ASH1L: variants seen among roughly 807,000 people sequenced by gnomAD.
ASH1L encodes the protein histone-lysine N-methyltransferase ASH1L.
ASH1L carries 23 observed loss-of-function variants against 269.0 expected under a neutral mutation model. The observed-to-expected ratio is 0.09, with a 90% CI of 0.06 to 0.12. The LOEUF is 0.12. Among genes scored for constraint, ASH1L ranks in the 10% least tolerant of loss-of-function variants. The pLI, the probability that ASH1L is intolerant of heterozygous loss-of-function variation, is 1.00. For missense variants in ASH1L, 2,912 were observed against 3,567.8 expected (o/e 0.82, Z 4.68); for synonymous variants, 1,187 against 1,253.5 (o/e 0.95, Z 1.12).
chr1:155,389,502 G>A (rs761755491), intron 7 of ASH1L, among the ~76,000 whole-genome samples: 48 of 151,502 alleles, frequency 3.2e-4, no homozygotes, highest in Non-Finnish European at 6.0e-4. Flanking sequence ...GTGAAACCCC[G>A]TCTCTACTAA....
intron 3 of ASH1L, among the ~76,000 whole-genome samples, chr1:155,465,310 A>AAAAAAAAAAAAAAC: frequency 6.6e-6 from 1 of 151,308 alleles, no homozygotes; most frequent in African/African-American, 2.4e-5. Flanking sequence ...AAAAAAAAAA[A>AAAAAAAAAAAAAAC]AACAGTGAAT....
In ASH1L at chr1:155,373,474, T is replaced by C. The variant is rs567052197; in HGVS notation, c.6333-2491A>G. Among the ~76,000 whole-genome samples, 336 of 151,988 alleles carry C rather than the reference T, an allele frequency of 2.2e-3. 3 individuals carry two copies. The highest frequency in any genetic ancestry group is 2.3e-3 in the Non-Finnish European group (159 of 67,960). On this transcript the variant is annotated intron_variant, in intron 10 of 27. Transcript: ENST00000392403. ...GACTACTTAAAAAAAAAATTATTTG[T>C]AGAGGTGAGGTCTTGCTGCTATGTT...
At position 155,535,157 on chromosome 1, in the gene ASH1L, C is replaced by A. The variant is rs565710156; in HGVS notation, c.-99-13539G>T. Among the ~76,000 whole-genome samples the A allele has an allele frequency of 5.3e-5, 8 of 150,836 alleles. No homozygotes were observed. In the East Asian group the frequency reaches 1.6e-3, roughly 29 times the overall value. Reference sequence around the variant, plus strand: ...TGAGCCAAGATCGTGCCATTGCACTCCAGCCTGGGCAACAATAGTAAAACT... The same window carrying A: ...TGAGCCAAGATCGTGCCATTGCACTACAGCCTGGGCAACAATAGTAAAACT... On this transcript the variant is annotated intron_variant, in intron 1 of 27. Transcript: ENST00000392403.
chr1:155,524,401 A>G (rs1340472190), intron 1 of ASH1L, among the ~76,000 whole-genome samples: 2 of 151,710 alleles, frequency 1.3e-5, no homozygotes, highest in Non-Finnish European at 2.9e-5. Flanking sequence ...GGGTGCCTGT[A>G]GTCCTAGCTA....
chr1:155,538,095 G>C (rs1670178048), intron 1 of ASH1L, among the ~76,000 whole-genome samples: 1 of 151,710 alleles, frequency 6.6e-6, no homozygotes, highest in Non-Finnish European at 1.5e-5. Flanking sequence ...CACCATCTTG[G>C]CTCACTGCAA....
At chr1:155,381,766 T>C (rs908697989) in intron 7 of ASH1L, among the ~76,000 whole-genome samples, 4 of 150,086 alleles carry the variant, frequency 2.7e-5, no homozygotes, top group African/African-American at 7.4e-5. Context: ...TCCCAGCTAC[T>C]TGGGAGGCTG....
At position 155,378,596 on chromosome 1, in the gene ASH1L, C is replaced by A. The variant is rs757221591; in HGVS notation, c.6178-48G>T. On this transcript the variant is annotated intron_variant, in intron 8 of 27. Transcript: ENST00000392403. The stretch of plus-strand genomic sequence containing the variant: ...TTGATATAGCATTTAACTTCAAATG[C>A]CAGACGGCAGCATCAATCACTAAAA... The A allele has an allele frequency of 5.8e-5, 84 of 1,450,480 alleles. 1 individual carries two copies. In the South Asian group the frequency reaches 8.7e-4, roughly 15 times the overall value. 89.9% of individuals were successfully genotyped at this position (1,450,480 alleles called of 1,614,324 possible).
At position 155,480,104 on chromosome 1, in the gene ASH1L, T is replaced by C. The variant is rs770452884; in HGVS notation, c.2766A>G (p.Leu922=). The C allele has an allele frequency of 6.2e-7, 1 of 1,614,164 alleles. No individual in the cohort carries two copies. The highest frequency in any genetic ancestry group is 2.2e-5 in the East Asian group (1 of 44,888). The stretch of plus-strand genomic sequence containing the variant: ...TTCTATGGTTGTCACTTTCAGATTC[T>C]AGCTTGCTTGGACTTTCAGTGGCAA... ...PFVATESPSK[L]ESESDNHRSS... is the part of the protein sequence containing the mutation. Residue 922 remains leucine (L), a synonymous_variant, in exon 3 of 28, where the codon CTA becomes CTG. Coordinates refer to ENST00000392403, the MANE Select transcript of ASH1L (RefSeq NM_018489.3).
At chr1:155,338,668 T>C (rs1457566994) in intron 26 of ASH1L, among the ~76,000 whole-genome samples, 1 of 152,214 alleles carries the variant, frequency 6.6e-6, no homozygotes, top group Non-Finnish European at 1.5e-5. Context: ...TAAAATTGCT[T>C]AGCTGGTTCT....
intron 4 of ASH1L, among the ~76,000 whole-genome samples, chr1:155,450,140 T>C (rs1663358123): frequency 6.6e-6 from 1 of 152,250 alleles, no homozygotes; most frequent in Non-Finnish European, 1.5e-5. Context: ...TGTCTGCTGA[T>C]AGTTGTTACT....
At chr1:155,495,452 G>A (rs1667082151) in intron 2 of ASH1L, among the ~76,000 whole-genome samples, 1 of 152,030 alleles carries the variant, frequency 6.6e-6, no homozygotes, top group African/African-American at 2.4e-5. Flanking sequence ...TAGGATTTTT[G>A]TATATAAACA....
At chr1:155,364,485 C>T (rs1655234183) in intron 12 of ASH1L, among the ~76,000 whole-genome samples, 1 of 152,118 alleles carries the variant, frequency 6.6e-6, no homozygotes, top group Non-Finnish European at 1.5e-5. Flanking sequence ...CCAATACTGT[C>T]AGTCTTTAAT....
chr1:155,471,121 A>G (rs1665066087), intron 3 of ASH1L, among the ~76,000 whole-genome samples: 1 of 152,260 alleles, frequency 6.6e-6, no homozygotes, highest in Non-Finnish European at 1.5e-5. Flanking sequence ...TTAGAAAATC[A>G]AGTCACATCT....
chr1:155,412,241 C>CA (rs556050785), intron 6 of ASH1L, among the ~76,000 whole-genome samples: 7,424 of 115,550 alleles, frequency 0.064, 180 homozygotes, highest in Non-Finnish European at 0.084. Context: ...GACTCCGTCT[C>CA]AAAAAAAAAA....
chr1:155,347,212 A>C (rs558094260), intron 20 of ASH1L, among the ~76,000 whole-genome samples: 2 of 152,316 alleles, frequency 1.3e-5, no homozygotes, highest in East Asian at 3.9e-4. Context: ...CAGCCTGGGC[A>C]ACATGGTGAC....
intron 5 of ASH1L, chr1:155,433,650 G>T (rs1199790845): frequency 1.2e-6 from 2 of 1,605,282 alleles, no homozygotes; most frequent in Non-Finnish European, 1.7e-6. Flanking sequence ...AAGCAGAAGA[G>T]GATCACCCTG....
chr1:155,518,397 T>A (rs1668638714), intron 2 of ASH1L, among the ~76,000 whole-genome samples: 1 of 152,062 alleles, frequency 6.6e-6, no homozygotes, highest in African/African-American at 2.4e-5. Context: ...GGACCTGGTT[T>A]TCATCAAAAT....
chr1:155,378,776 T>G (rs1178145466), intron 8 of ASH1L, among the ~76,000 whole-genome samples: 1 of 152,220 alleles, frequency 6.6e-6, no homozygotes, highest in Admixed American at 6.5e-5. Flanking sequence ...CTAAATAGTT[T>G]ATACAAGTGG....
At chr1:155,390,632 T>TTC (rs1657836036) in intron 7 of ASH1L, among the ~76,000 whole-genome samples, 1 of 98,326 alleles carries the variant, frequency 1.0e-5, no homozygotes, top group African/African-American at 3.6e-5. Context: ...AATATCATTC[T>TTC]CCCCCCCCCC....
Sources: gnomAD v4.1 joint callset for allele counts (sites outside exome capture counted in the v4.1 genomes callset) on GRCh38, gnomAD v4.1.1 for gene constraint, MANE v1.5 for transcripts, NCBI Gene and HGNC (gene_info 2026-07-23, HGNC 2026-07-21) for gene names.